FHOD3: variants seen among roughly 807,000 people sequenced by gnomAD.
FHOD3 encodes FH1/FH2 domain-containing protein 3.
FHOD3 carries 90 observed loss-of-function variants against 173.0 expected under a neutral mutation model. That is an observed-to-expected ratio of 0.52 (90% CI 0.44 to 0.62). FHOD3 has a LOEUF of 0.62. FHOD3 is among the 20% of genes least tolerant of loss of function. FHOD3 has a pLI of 0.00. For missense variants in FHOD3, 1,945 were observed against 2,034.7 expected (o/e 0.96, Z 0.85); for synonymous variants, 828 against 823.0 (o/e 1.01, Z -0.10).
At chr18:36,369,478 C>T (rs1340901058) in intron 2 of FHOD3, among the ~76,000 whole-genome samples, 11 of 128,842 alleles carry the variant, frequency 8.5e-5, no homozygotes, top group African/African-American at 2.5e-4. Context: ...CACACACACA[C>T]ACACACACAC....
rs2039390724 is a variant in FHOD3, at chr18:36,698,158, C to T, written c.2236+4735C>T. The stretch of plus-strand genomic sequence containing the variant: ...TCTATGACTCAGGGCTGCCTCCCTC[C>T]CTGCCTCACCTGACTGCTGCTACTT... On this transcript the variant is annotated intron_variant, in intron 17 of 28. Coordinates refer to ENST00000590592, the MANE Select transcript of FHOD3 (RefSeq NM_001281740.3). Among the ~76,000 whole-genome samples, 4 of 152,320 alleles carry T rather than the reference C, an allele frequency of 2.6e-5. No individual in the cohort carries two copies. The South Asian group carries it at 8.3e-4, about 32-fold the overall frequency.
intron 1 of FHOD3, among the ~76,000 whole-genome samples, chr18:36,308,998 G>A (rs2144624453): frequency 6.6e-6 from 1 of 152,248 alleles, no homozygotes; most frequent in South Asian, 2.1e-4. Context: ...CCTCCCTACT[G>A]AGTCCCTGCT....
At chr18:36,397,210 A>G (rs2048594589) in intron 3 of FHOD3, among the ~76,000 whole-genome samples, 2 of 152,182 alleles carry the variant, frequency 1.3e-5, no homozygotes, top group African/African-American at 4.8e-5. Flanking sequence ...AAATGAGCCT[A>G]ATATACTCTC....
intron 17 of FHOD3, among the ~76,000 whole-genome samples, chr18:36,706,444 A>G (rs1197786554): frequency 6.6e-6 from 1 of 152,202 alleles, no homozygotes; most frequent in African/African-American, 2.4e-5. Context: ...AAATTGAAAT[A>G]CCTGATTCCA....
intron 3 of FHOD3, among the ~76,000 whole-genome samples, chr18:36,386,865 T>A (rs535379042): frequency 6.6e-6 from 1 of 151,912 alleles, no homozygotes; most frequent in African/African-American, 2.4e-5. Context: ...GAAGGTGGGG[T>A]TCTGAGTGCA....
At chr18:36,774,455 G>C (rs2043536831) in intron 28 of FHOD3, among the ~76,000 whole-genome samples, 1 of 152,124 alleles carries the variant, frequency 6.6e-6, no homozygotes. Flanking sequence ...GCCTTTTCCT[G>C]CATCTCAGAT....
chr18:36,508,201 ACT>A (rs1485098826), intron 4 of FHOD3, among the ~76,000 whole-genome samples: 1 of 151,934 alleles, frequency 6.6e-6, no homozygotes, highest in Non-Finnish European at 1.5e-5. Context: ...AAGTTTAACA[ACT>A]CTGTGTTCCT....
chr18:36,311,759 T>G (rs1450339522), intron 1 of FHOD3, among the ~76,000 whole-genome samples: 2 of 152,188 alleles, frequency 1.3e-5, no homozygotes, highest in Non-Finnish European at 2.9e-5. Context: ...GATGCAGCCC[T>G]GGCCCCTGCC....
chr18:36,725,377 A>C (rs2041006688), intron 19 of FHOD3, among the ~76,000 whole-genome samples: 1 of 152,192 alleles, frequency 6.6e-6, no homozygotes, highest in East Asian at 1.9e-4. Context: ...ACCTAACAGC[A>C]GGCACTCAGG....
intron 6 of FHOD3, among the ~76,000 whole-genome samples, chr18:36,581,068 ATAT>A (rs1158030839): frequency 1.3e-5 from 2 of 152,266 alleles, no homozygotes; most frequent in Admixed American, 6.5e-5. Context: ...ATATTTGCAG[ATAT>A]TTGAGACTCA....
At chr18:36,563,694 G>A (rs557252057) in intron 5 of FHOD3, among the ~76,000 whole-genome samples, 7 of 152,304 alleles carry the variant, frequency 4.6e-5, no homozygotes, top group African/African-American at 1.2e-4. Context: ...TCTTGATGCG[G>A]TACTGTCTTA....
At chr18:36,445,823 C>G (rs930278054) in intron 3 of FHOD3, among the ~76,000 whole-genome samples, 1 of 152,162 alleles carries the variant, frequency 6.6e-6, no homozygotes, top group Non-Finnish European at 1.5e-5. Flanking sequence ...AGCGAGGCTC[C>G]CTCGCTGCGG....
At chr18:36,771,001 T>C (rs1265598816) in intron 28 of FHOD3, among the ~76,000 whole-genome samples, 2 of 152,220 alleles carry the variant, frequency 1.3e-5, no homozygotes, top group African/African-American at 4.8e-5. Context: ...GATTCCAACA[T>C]CAATATCTAA....
rs770057869 is a variant in FHOD3, at chr18:36,779,538, A to C, written c.*8A>C. ...TCGGAGTTGCAGCTGTGACACTCAT[A>C]GGTTACTCCCAGGAGTGTGCTGAGC... is the stretch of plus-strand genomic sequence containing the variant. On this transcript the variant is annotated 3_prime_UTR_variant, in exon 29 of 29. Coordinates refer to ENST00000590592, the MANE Select transcript of FHOD3 (RefSeq NM_001281740.3). The C allele has an allele frequency of 1.2e-6, 2 of 1,613,480 alleles. No homozygotes were observed. The highest frequency in any genetic ancestry group is 3.3e-5 in the Admixed American group (2 of 60,026).
At chr18:36,545,115 T>G (rs1052249536) in intron 5 of FHOD3, among the ~76,000 whole-genome samples, 1 of 152,214 alleles carries the variant, frequency 6.6e-6, no homozygotes, top group African/African-American at 2.4e-5. Context: ...TCCCTCTCCT[T>G]CTTTATCTCT....
At chr18:36,510,063 C>T (rs994059376) in intron 4 of FHOD3, among the ~76,000 whole-genome samples, 2 of 152,208 alleles carry the variant, frequency 1.3e-5, no homozygotes, top group African/African-American at 4.8e-5. Flanking sequence ...GCGTCTCCAT[C>T]ATCTCTCATG....
chr18:36,597,194 A>G (rs2030584370), intron 7 of FHOD3, among the ~76,000 whole-genome samples: 1 of 152,080 alleles, frequency 6.6e-6, no homozygotes, highest in Admixed American at 6.5e-5. Flanking sequence ...TTCATATCCC[A>G]TAAAGGGAAT....
intron 3 of FHOD3, among the ~76,000 whole-genome samples, chr18:36,405,006 G>C (rs1196075831): frequency 6.6e-6 from 1 of 152,144 alleles, no homozygotes; most frequent in Admixed American, 6.5e-5. Context: ...AGTTTTTCCA[G>C]GTGATCCTAC....
At chr18:36,717,123 G>A (rs2040501904) in intron 18 of FHOD3, among the ~76,000 whole-genome samples, 1 of 152,130 alleles carries the variant, frequency 6.6e-6, no homozygotes, top group Non-Finnish European at 1.5e-5. Context: ...GTCAATGCAG[G>A]TGGGAGAGTA....
Sources: gnomAD v4.1 joint callset for allele counts (sites outside exome capture counted in the v4.1 genomes callset) on GRCh38, gnomAD v4.1.1 for gene constraint, MANE v1.5 for transcripts, NCBI Gene and HGNC (gene_info 2026-07-23, HGNC 2026-07-21) for gene names.